The following BLTP1 variants were observed in gnomAD, a reference collection of about 807,000 sequenced individuals.
The protein encoded by BLTP1 is fragile site-associated protein.
At chr4:122,212,049 G>A in the BLTP1 span, 10 of 984,170 alleles carry the variant, frequency 1.0e-5, no homozygotes, top group Non-Finnish European at 1.2e-5. Context: ...AAGGAATCCT[G>A]TAATGTACAG....
At chr4:122,231,985 A>G in the BLTP1 span, 7 of 857,984 alleles carry the variant, frequency 8.2e-6, no homozygotes, top group African/African-American at 1.3e-4. Context: ...TTTCTTTGTT[A>G]TATGTTGTGC....
the BLTP1 span, chr4:122,255,220 A>G: frequency 0.019 from 30,459 of 1,612,922 alleles, 1,826 homozygotes; most frequent in African/African-American, 0.21. Flanking sequence ...CATGTTTACT[A>G]TGTAATATAC....
the BLTP1 span, among the ~76,000 whole-genome samples, chr4:122,342,526 T>C: frequency 6.6e-6 from 1 of 152,046 alleles, no homozygotes; most frequent in South Asian, 2.1e-4. Context: ...CGGCTAGTTT[T>C]TGTACTTTTA....
chr4:122,299,102 A>G, the BLTP1 span: 25 of 984,844 alleles, frequency 2.5e-5, no homozygotes, highest in Non-Finnish European at 2.9e-5. Flanking sequence ...AATTAGGGAA[A>G]TTGCTGTGTA....
chr4:122,328,253 G>C, the BLTP1 span: 1 of 1,611,140 alleles, frequency 6.2e-7, no homozygotes, highest in South Asian at 1.1e-5. Context: ...AAACTGAAGA[G>C]GGCCGACGGG....
chr4:122,178,512 C>G, the BLTP1 span, among the ~76,000 whole-genome samples: 10 of 152,314 alleles, frequency 6.6e-5, no homozygotes, highest in African/African-American at 1.9e-4. Flanking sequence ...ACGACAGATT[C>G]TCTCCTTTCA....
chr4:122,188,289 T>C, the BLTP1 span: 2 of 577,914 alleles, frequency 3.5e-6, no homozygotes, highest in Admixed American at 1.3e-4. Context: ...ATTTTAAATA[T>C]TTTTCTGCAT....
chr4:122,189,805 TA>T, the BLTP1 span: 1 of 904,602 alleles, frequency 1.1e-6, no homozygotes, highest in Non-Finnish European at 1.3e-6. Context: ...CAACATAGAA[TA>T]AAACATGGAA....
chr4:122,271,181 C>A, the BLTP1 span: 1 of 1,613,990 alleles, frequency 6.2e-7, no homozygotes, highest in Admixed American at 1.7e-5. Flanking sequence ...TAACACCTTT[C>A]ACTGCAACTT....
At chr4:122,336,859 CTT>C in the BLTP1 span, 1 of 1,585,360 alleles carries the variant, frequency 6.3e-7, no homozygotes, top group Non-Finnish European at 8.6e-7. Flanking sequence ...AATAATAAAA[CTT>C]AACCAAATAT....
the BLTP1 span, among the ~76,000 whole-genome samples, chr4:122,340,315 T>TG: frequency 6.6e-6 from 1 of 152,180 alleles, no homozygotes; most frequent in South Asian, 2.1e-4. Flanking sequence ...GCATTAAGCG[T>TG]GAAAAAAATA....
At chr4:122,170,635 A>G in the BLTP1 span, 1 of 1,551,760 alleles carries the variant, frequency 6.4e-7, no homozygotes, top group South Asian at 1.3e-5. Flanking sequence ...GTTGTTCTGG[A>G]AAAACTTTAG....
the BLTP1 span, among the ~76,000 whole-genome samples, chr4:122,333,242 C>G: frequency 2.4e-5 from 1 of 41,338 alleles, no homozygotes; most frequent in Non-Finnish European, 4.9e-5. Flanking sequence ...TTTACAGTCC[C>G]ACCAACAGTG....
the BLTP1 span, chr4:122,301,170 C>T: frequency 8.6e-7 from 1 of 1,160,720 alleles, no homozygotes. Flanking sequence ...TTAAATGTAA[C>T]TTAGCTAAAG....
the BLTP1 span, chr4:122,327,967 C>T: frequency 1.6e-6 from 1 of 627,802 alleles, no homozygotes; most frequent in Non-Finnish European, 2.4e-6. Flanking sequence ...TTCATATGTT[C>T]ATGAATCTGA....
chr4:122,347,835 T>C, the BLTP1 span: 1 of 1,289,336 alleles, frequency 7.8e-7, no homozygotes, highest in East Asian at 2.4e-5. Flanking sequence ...GATAAAATCT[T>C]AGTTACTCTC....
chr4:122,251,611 C>T, the BLTP1 span: 1 of 984,830 alleles, frequency 1.0e-6, no homozygotes. Context: ...GCTGTTCTTT[C>T]CTTCTCCTTC....
chr4:122,205,633 C>T, the BLTP1 span, among the ~76,000 whole-genome samples: 2 of 38,582 alleles, frequency 5.2e-5, no homozygotes, highest in Non-Finnish European at 1.1e-4. Context: ...CCAATTGTTT[C>T]CCCCCCCTTC....
At chr4:122,313,156 A>C in the BLTP1 span, among the ~76,000 whole-genome samples, 1 of 152,160 alleles carries the variant, frequency 6.6e-6, no homozygotes, top group Admixed American at 6.5e-5. Flanking sequence ...AAAATGTTCC[A>C]TGTCAAAAGA....
Sources: gnomAD v4.1 joint callset for allele counts (sites outside exome capture counted in the v4.1 genomes callset) on GRCh38, gnomAD v4.1.1 for gene constraint, MANE v1.5 for transcripts, NCBI Gene and HGNC (gene_info 2026-07-23, HGNC 2026-07-21) for gene names.